Variants in DUSP14 observed in about 807,000 individuals in gnomAD.
The protein encoded by DUSP14 is dual specificity phosphatase 14.
In DUSP14, 5 loss-of-function variants were observed where a neutral mutation model predicts 13.2. The observed-to-expected ratio is 0.38, with a 90% CI of 0.20 to 0.80. DUSP14 has a LOEUF of 0.80. Among genes scored for constraint, DUSP14 ranks in the 30% least tolerant of loss-of-function variants. The probability of loss-of-function intolerance (pLI) is 0.44; values close to 1 mark genes in which losing one functional copy is unlikely to be tolerated. For missense variants in DUSP14, 185 were observed against 264.0 expected, an observed-to-expected ratio of 0.70 and a Z score of 2.07; for synonymous variants, 91 against 103.4, an observed-to-expected ratio of 0.88 and a Z score of 0.73.
At position 37,497,703 on chromosome 17, in the gene DUSP14, T is replaced by G. The variant is rs1452965218; in HGVS notation, c.-181+7745T>G. ...TGAGCTCAGGAGGTCGAGGCTGCAGTAAGCCATGATTGTGCCACTGTGCTC... is the reference window on the plus strand; with the variant it reads ...TGAGCTCAGGAGGTCGAGGCTGCAGGAAGCCATGATTGTGCCACTGTGCTC... On this transcript the variant is annotated intron_variant, in intron 1 of 2. Coordinates refer to ENST00000617516, the MANE Select transcript of DUSP14 (RefSeq NM_007026.4). 2.0e-5 allele frequency among the ~76,000 whole-genome samples: 3 copies of G among 148,698 alleles called. No homozygotes were observed. The Admixed American group carries it at 2.0e-4, about 10-fold the overall frequency.
At chr17:37,495,991 A>G (rs142601372) in intron 1 of DUSP14, among the ~76,000 whole-genome samples, 28 of 152,340 alleles carry the variant, frequency 1.8e-4, no homozygotes, top group African/African-American at 5.8e-4. Flanking sequence ...TTGTAAAAAT[A>G]AAATCTGGAA....
At position 37,497,246 on chromosome 17, in the gene DUSP14, GA is replaced by G. The variant is rs1790423511; in HGVS notation, c.-181+7289del. Among the ~76,000 whole-genome samples the G allele has an allele frequency of 2.6e-5, 4 of 152,040 alleles. No individual in the cohort carries two copies. In the South Asian group the frequency reaches 8.3e-4, roughly 32 times the overall value. ...CAACCTCCGCCCTCCAGGTTCAAGT[GA>G]TTCTCTTACCTCAGCCTCCTGAGTA... On this transcript the variant is annotated intron_variant, in intron 1 of 2. Transcript: ENST00000617516.
At position 37,512,299 on chromosome 17, in the gene DUSP14, A is replaced by AGAGT; in HGVS notation, c.27_28insGAGT (p.Pro10GlufsTer50). On this transcript the variant is annotated frameshift_variant, in exon 3 of 3. Coordinates refer to ENST00000617516, the MANE Select transcript of DUSP14 (RefSeq NM_007026.4). LOFTEE classifies it high-confidence loss of function. The surrounding 1 kb of genome is among the most constrained non-coding windows in gnomAD (Gnocchi z 4.8). ...TGAGCTCCAGAGGTCACAGCACGCT[A>AGAGT]CCAAGGACTCTCATGGCCCCTCGGA... 6.2e-7 allele frequency: 1 copy of AGAGT among 1,613,152 alleles called. No individual in the cohort carries two copies. The highest frequency in any genetic ancestry group is 8.5e-7 in the Non-Finnish European group (1 of 1,179,440).
intron 1 of DUSP14, among the ~76,000 whole-genome samples, chr17:37,498,413 G>T (rs111548795): frequency 0.13 from 18,151 of 136,286 alleles, 1,428 homozygotes; most frequent in Middle Eastern, 0.29. Context: ...TGCAAGCTCC[G>T]CCTCCCCGGT....
chr17:37,502,138 A>G (rs2054109417), intron 1 of DUSP14, among the ~76,000 whole-genome samples: 1 of 152,072 alleles, frequency 6.6e-6, no homozygotes, highest in Admixed American at 6.6e-5. Flanking sequence ...TCGTTGTAAA[A>G]TAACTATTTG....
chr17:37,491,482 G>C (rs1030729132), intron 1 of DUSP14: 2 of 152,178 alleles, frequency 1.3e-5, no homozygotes, highest in South Asian at 2.1e-4. Flanking sequence ...CTGACGCTTG[G>C]GGGAGGAGAG....
intron 2 of DUSP14, among the ~76,000 whole-genome samples, chr17:37,511,938 C>CGTTGTTTTTTTTTTTTTTTTTTTTT (rs1568206074): frequency 2.6e-5 from 1 of 38,248 alleles, no homozygotes; most frequent in African/African-American, 1.0e-4. Flanking sequence ...CCCCACCCCA[C>CGTTGTTTTTTTTTTTTTTTTTTTTT]TTTTTTTTTT....
chr17:37,505,646 T>TC (rs1189982439), intron 1 of DUSP14, among the ~76,000 whole-genome samples: 1 of 151,354 alleles, frequency 6.6e-6, no homozygotes, highest in East Asian at 1.9e-4. Flanking sequence ...TTTTTTTTTT[T>TC]TTTTTTTTTT....
intron 1 of DUSP14, among the ~76,000 whole-genome samples, chr17:37,495,909 C>G (rs1246243743): frequency 6.6e-6 from 1 of 152,254 alleles, no homozygotes; most frequent in East Asian, 1.9e-4. Flanking sequence ...CCACCTGCCT[C>G]GGACCCCCAA....
chr17:37,511,766 T>TAAA (rs1376273870), intron 2 of DUSP14, among the ~76,000 whole-genome samples: 1 of 145,330 alleles, frequency 6.9e-6, no homozygotes, highest in Admixed American at 6.8e-5. Context: ...TAAAAAAAAA[T>TAAA]AAAAAATAAA....
intron 1 of DUSP14, among the ~76,000 whole-genome samples, chr17:37,493,380 C>T (rs1219587789): frequency 6.6e-6 from 1 of 152,180 alleles, no homozygotes; most frequent in Non-Finnish European, 1.5e-5. Flanking sequence ...GGTGTGCATA[C>T]CTTCAGCTTT....
chr17:37,506,308 CA>C lies in DUSP14; in HGVS notation c.-180-4363del, dbSNP rs1179975507. ...CTGCAAAAAAGAAAACAAAAAAACC[CA>C]AAAAACCCTGGGGTTGGTTTAGGAC... is the stretch of plus-strand genomic sequence containing the variant. On this transcript the variant is annotated intron_variant, in intron 1 of 2. Coordinates refer to ENST00000617516, the MANE Select transcript of DUSP14 (RefSeq NM_007026.4). Among the ~76,000 whole-genome samples the C allele has an allele frequency of 2.0e-5, 3 of 146,432 alleles. No homozygotes were observed. In the East Asian group the frequency reaches 6.0e-4, roughly 30 times the overall value.
upstream of DUSP14, among the ~76,000 whole-genome samples, chr17:37,489,351 C>T (rs1319249319): frequency 1.3e-5 from 2 of 152,128 alleles, no homozygotes. Flanking sequence ...CTGCCCGTAC[C>T]TGTTCCAGCA....
rs148470978 is a variant in DUSP14 at position 37,511,500 on chromosome 17, C to T, written c.-92-681C>T. ...TTCCCAATGTTGGCCAGGCTGGTCTCGAACTCCTGACCTCAGGTGATCCAC... is the reference window on the plus strand; with the variant it reads ...TTCCCAATGTTGGCCAGGCTGGTCTTGAACTCCTGACCTCAGGTGATCCAC... On this transcript the variant is annotated intron_variant, in intron 2 of 2. Coordinates refer to ENST00000617516, the MANE Select transcript of DUSP14 (RefSeq NM_007026.4). Among the ~76,000 whole-genome samples, 393 of 151,008 alleles carry T rather than the reference C, an allele frequency of 2.6e-3. 8 individuals carry two copies. In the East Asian group the frequency reaches 0.043, roughly 16 times the overall value.
At chr17:37,510,937 T>C (rs1223628657) in intron 2 of DUSP14, among the ~76,000 whole-genome samples, 173 bp downstream of exon 2, 1 of 152,044 alleles carries the variant, frequency 6.6e-6, no homozygotes, top group Middle Eastern at 3.2e-3. Context: ...CGGATGTATC[T>C]AAGATCTCAG....
chr17:37,503,527 C>CTG (rs2054118670), intron 1 of DUSP14, among the ~76,000 whole-genome samples: 1 of 152,236 alleles, frequency 6.6e-6, no homozygotes, highest in South Asian at 2.1e-4. Flanking sequence ...GTTGGAACAA[C>CTG]ACTCAGCAGG....
At position 37,513,056 on chromosome 17, in the gene DUSP14, A is replaced by C. The variant is rs2054205729; in HGVS notation, c.*187A>C. 1.8e-6 allele frequency: 1 copy of C among 564,060 alleles called. No individual in the cohort carries two copies. The allele number at this position is 564,060 out of a possible 1,614,324, so 34.9% of individuals were successfully genotyped here. A position where few individuals can be genotyped will look rare whatever the true frequency, so the allele number is the denominator to read the frequency against. ...ACATAAAGGGAATGCATACATTGCT[A>C]GTCACATTTTTAAAATTAACATTTT... On this transcript the variant is annotated 3_prime_UTR_variant, in exon 3 of 3. Coordinates refer to ENST00000617516, the MANE Select transcript of DUSP14 (RefSeq NM_007026.4).
intron 1 of DUSP14, among the ~76,000 whole-genome samples, chr17:37,493,011 G>GTGTA (rs1648806740): frequency 6.6e-6 from 1 of 152,060 alleles, no homozygotes; most frequent in Non-Finnish European, 1.5e-5. Context: ...GTGTGTGTAT[G>GTGTA]TGTATGTATG....
chr17:37,509,170 CTA>C lies in DUSP14; in HGVS notation c.-180-1497_-180-1496del, dbSNP rs1225738958. On this transcript the variant is annotated intron_variant, in intron 1 of 2. Transcript: ENST00000617516. ...ACACACACACACACACACACACACT[CTA>C]TATATATATGTACTATGTATATGTG... Among the ~76,000 whole-genome samples the C allele has an allele frequency of 5.6e-4, 27 of 48,214 alleles. 2 individuals are homozygous for C. Among genetic ancestry groups the C allele is most frequent in the Admixed American group, 1.5e-3 (4 of 2,688 alleles). The allele number at this position is 48,214 out of a possible 152,430, so 31.6% of individuals were successfully genotyped here.
Sources: allele counts gnomAD v4.1 joint callset (sites outside exome capture counted in the v4.1 genomes callset), GRCh38; gene constraint gnomAD v4.1.1; non-coding constraint Gnocchi (gnomAD v3.1); transcripts MANE v1.5; gene names NCBI Gene and HGNC (gene_info 2026-07-23, HGNC 2026-07-21).